The following PDGFA variants were observed in gnomAD, a reference collection of about 807,000 sequenced individuals.
The protein encoded by PDGFA is platelet derived growth factor subunit A.
PDGFA carries 9 observed loss-of-function variants against 25.6 expected under a neutral mutation model. The ratio of observed to expected loss-of-function variants is 0.35; its 90% CI spans 0.21 to 0.61. The LOEUF is 0.61. Ranked by LOEUF, PDGFA falls within the 20% of genes least tolerant of loss-of-function variation. The pLI is 0.75. For synonymous variants in PDGFA, 133 were observed against 111.8 expected, an observed-to-expected ratio of 1.19 and a Z score of -1.20; for missense variants, 242 against 272.8, an observed-to-expected ratio of 0.89 and a Z score of 0.79.
intron 2 of PDGFA, among the ~76,000 whole-genome samples, chr7:514,859 C>CCTT (rs765925997): frequency 2.0e-4 from 30 of 152,214 alleles, no homozygotes; most frequent in Non-Finnish European, 4.3e-4. Flanking sequence ...AGGTGAAAAG[C>CCTT]CTTCACTCTT....
exon 6 of PDGFA, chr7:497,702 G>A (rs1300280403): frequency 6.6e-6 from 1 of 151,882 alleles, no homozygotes; most frequent in Non-Finnish European, 1.5e-5. Context: ...GGGTAAGGGA[G>A]AAACACAAAG....
In PDGFA at chr7:498,322, T is replaced by TCTC. The variant is rs869204719; in HGVS notation, c.*241_*242insGAG. 2.5e-4 allele frequency: 115 copies of TCTC among 465,966 alleles called. 1 individual carries two copies. Among genetic ancestry groups the TCTC allele is most frequent in the East Asian group, 4.6e-4 (14 of 30,594 alleles). 28.9% of individuals were successfully genotyped at this position (465,966 alleles called of 1,614,324 possible). ...TTGTGGTTTTGTTTTCTCTCTCTCT[T>TCTC]TCTCTCTCTCTCTTTTTGACAAGGA... On this transcript the variant is annotated 3_prime_UTR_variant, in exon 6 of 6. Transcript: ENST00000402802.
At chr7:506,039 G>A (rs1782549116) in intron 4 of PDGFA, among the ~76,000 whole-genome samples, 1 of 152,090 alleles carries the variant, frequency 6.6e-6, no homozygotes. Context: ...AGCCAGGCGT[G>A]GTGGTGAGTG....
intron 2 of PDGFA, among the ~76,000 whole-genome samples, chr7:516,166 C>T (rs1435032922): frequency 6.7e-6 from 1 of 149,716 alleles, no homozygotes; most frequent in East Asian, 2.0e-4. Flanking sequence ...GTCAAAATCC[C>T]CCCGCCCAGC....
intron 4 of PDGFA, among the ~76,000 whole-genome samples, chr7:508,020 C>T (rs374393839): frequency 4.6e-5 from 7 of 152,144 alleles, no homozygotes; most frequent in African/African-American, 1.4e-4. Flanking sequence ...GATGTGGAAT[C>T]TGCTTACTCA....
chr7:511,097 TAA>T, intron 3 of PDGFA, 101 bp from the exon 4 acceptor site: 1 of 902,248 alleles, frequency 1.1e-6, no homozygotes, highest in Non-Finnish European at 1.7e-6. Flanking sequence ...GCAACCAGGG[TAA>T]GCCACAGGCC....
intron 1 of PDGFA, among the ~76,000 whole-genome samples, chr7:518,668 G>A (rs754701871): frequency 6.7e-6 from 1 of 149,636 alleles, no homozygotes; most frequent in Non-Finnish European, 1.5e-5. Flanking sequence ...CCCCTTCCCC[G>A]GAGAGGACAC....
At chr7:504,809 C>T (rs530817499) in intron 4 of PDGFA, among the ~76,000 whole-genome samples, 1 of 152,356 alleles carries the variant, frequency 6.6e-6, no homozygotes, top group Non-Finnish European at 1.5e-5. Flanking sequence ...TCGGCAGAGA[C>T]CGCAGGCCCG....
At chr7:497,498 G>T (rs772849228) in exon 6 of PDGFA, 4 of 152,054 alleles carry the variant, frequency 2.6e-5, no homozygotes, top group Admixed American at 6.6e-5. Flanking sequence ...ACGGCACCAG[G>T]GCACACCAAC....
chr7:513,963 C>T (rs758138457), intron 2 of PDGFA, among the ~76,000 whole-genome samples: 1 of 152,194 alleles, frequency 6.6e-6, no homozygotes, highest in Non-Finnish European at 1.5e-5. Context: ...CATCAACCAA[C>T]TGTTACAAGC....
chr7:503,962 A>G (rs1003947005), intron 4 of PDGFA, among the ~76,000 whole-genome samples: 2 of 151,932 alleles, frequency 1.3e-5, no homozygotes, highest in African/African-American at 4.8e-5. Flanking sequence ...CAGCCTCCAC[A>G]CTCCCGCGGC....
chr7:509,365 C>A (rs1782699076), intron 4 of PDGFA, among the ~76,000 whole-genome samples: 1 of 152,182 alleles, frequency 6.6e-6, no homozygotes, highest in Non-Finnish European at 1.5e-5. Flanking sequence ...CATCACAGCT[C>A]ACTGCAGCCT....
At chr7:514,738 CT>C (rs1783011700) in intron 2 of PDGFA, among the ~76,000 whole-genome samples, 1 of 152,276 alleles carries the variant, frequency 6.6e-6, no homozygotes, top group Non-Finnish European at 1.5e-5. Context: ...GGCCAGACCA[CT>C]TTGGGGAACA....
chr7:505,939 C>T (rs565464329), intron 4 of PDGFA, among the ~76,000 whole-genome samples: 284 of 152,154 alleles, frequency 1.9e-3, no homozygotes, highest in African/African-American at 6.6e-3. Flanking sequence ...TTTGGGAGGT[C>T]GAGGCGGGCA....
chr7:504,879 G>T (rs1164344211), intron 4 of PDGFA, among the ~76,000 whole-genome samples: 3 of 152,206 alleles, frequency 2.0e-5, no homozygotes, highest in Non-Finnish European at 4.4e-5. Flanking sequence ...ACTCGAGATG[G>T]CCGGCCACCG....
At chr7:510,920 G>T in exon 4 of PDGFA, 4 of 1,612,600 alleles carry the variant, frequency 2.5e-6, no homozygotes, top group Non-Finnish European at 3.4e-6. Flanking sequence ...GGAAGTTGGC[G>T]GACGTGGGGT....
Position 505,648 on chromosome 7 carries a change from G to A in PDGFA, c.454-4406C>T, listed in dbSNP as rs189743738. Among the ~76,000 whole-genome samples the A allele has an allele frequency of 1.6e-3, 237 of 152,316 alleles. 1 individual carries two copies. Among genetic ancestry groups the A allele is most frequent in the African/African-American group, 5.3e-3 (220 of 41,574 alleles). ...TGTAACCCTCACAGCTACCCTGTGA[G>A]GACACCATCGTGGTCCATTCTAGAG... On this transcript the variant is annotated intron_variant, in intron 4 of 5. Coordinates refer to ENST00000402802, the Ensembl canonical transcript of PDGFA.
intron 2 of PDGFA, among the ~76,000 whole-genome samples, chr7:515,950 A>G (rs899099890): frequency 6.6e-6 from 1 of 151,138 alleles, no homozygotes; most frequent in Non-Finnish European, 1.5e-5. Flanking sequence ...TTCCAAAGCC[A>G]GTCCCACGAG....
Position 500,843 on chromosome 7 carries a change from G to A in PDGFA, c.580+273C>T. The A allele has an allele frequency of 1.3e-6, 2 of 1,509,152 alleles. No homozygotes were observed. Among genetic ancestry groups the A allele is most frequent in the South Asian group, 1.2e-5 (1 of 82,032 alleles). 93.5% of individuals were successfully genotyped at this position (1,509,152 alleles called of 1,614,324 possible). A position where few individuals can be genotyped will look rare whatever the true frequency, so the allele number is the denominator to read the frequency against. On this transcript the variant is annotated intron_variant, in intron 5 of 5. Coordinates refer to ENST00000402802, the Ensembl canonical transcript of PDGFA. This position sits in a 1 kb window ranked among gnomAD's most constrained non-coding sequence, Gnocchi z 5.0. Reference sequence around the variant, plus strand: ...CCCGCAGCCCACTAATGAATTGGGTGTCTTATGCACTCCCAGCCCCTCTCA... The same window carrying A: ...CCCGCAGCCCACTAATGAATTGGGTATCTTATGCACTCCCAGCCCCTCTCA...
Sources: allele counts gnomAD v4.1 joint callset (sites outside exome capture counted in the v4.1 genomes callset), GRCh38; gene constraint gnomAD v4.1.1; non-coding constraint Gnocchi (gnomAD v3.1); transcripts MANE v1.5; gene names NCBI Gene and HGNC (gene_info 2026-07-23, HGNC 2026-07-21).